CDH18: variants seen among roughly 807,000 people sequenced by gnomAD.
CDH18 encodes cadherin-18.
A neutral mutation model predicts 67.9 loss-of-function variants in CDH18; 31 were observed. The observed-to-expected ratio is 0.46, with a 90% CI of 0.34 to 0.62. The LOEUF is 0.62. Among genes scored for constraint, CDH18 ranks in the 20% least tolerant of loss-of-function variants. CDH18 has a pLI of 0.01. For missense variants in CDH18, 890 were observed against 975.5 expected (o/e 0.91, Z 1.17); for synonymous variants, 362 against 347.2 (o/e 1.04, Z -0.48).
chr5:20,333,271 G>A (rs1739353612), intron 1 of CDH18, among the ~76,000 whole-genome samples: 3 of 151,942 alleles, frequency 2.0e-5, no homozygotes. Context: ...CACTTTGGGA[G>A]GCCGAGGCTG....
chr5:19,650,101 C>G (rs997268986), intron 5 of CDH18, among the ~76,000 whole-genome samples: 1 of 151,948 alleles, frequency 6.6e-6, no homozygotes, highest in African/African-American at 2.4e-5. Flanking sequence ...ATTTTCAATA[C>G]TTACTGTACA....
rs905150936 is a variant in CDH18, at chr5:20,047,532, C to T, written c.-517-55518G>A. Among the ~76,000 whole-genome samples the T allele has an allele frequency of 2.6e-5, 4 of 151,698 alleles. 1 individual carries two copies. Among genetic ancestry groups the T allele is most frequent in the Non-Finnish European group, 4.4e-5 (3 of 67,768 alleles). ...AACACATGTCAGAAACAAAGGTTTG[C>T]ATTCTTATTAACCCAAATGCATAAT... On this transcript the variant is annotated intron_variant, in intron 2 of 14. Transcript: ENST00000507958.
At chr5:19,951,035 C>T (rs1482849049) in intron 2 of CDH18, among the ~76,000 whole-genome samples, 1 of 152,116 alleles carries the variant, frequency 6.6e-6, no homozygotes, top group African/African-American at 2.4e-5. Context: ...CTCATGTTCT[C>T]ATGGACCAAA....
chr5:20,305,384 C>A, intron 1 of CDH18: 2 of 1,551,778 alleles, frequency 1.3e-6, no homozygotes, highest in Admixed American at 1.7e-5. Flanking sequence ...AATGTTCCCA[C>A]CTCTTCAGCT....
intron 5 of CDH18, among the ~76,000 whole-genome samples, chr5:19,705,537 A>G (rs1357212580): frequency 2.6e-5 from 4 of 152,220 alleles, no homozygotes; most frequent in East Asian, 1.9e-4. Context: ...AAGCAAGTGC[A>G]TAAGACTCAA....
At chr5:19,815,036 A>G (rs1561360668) in intron 3 of CDH18, among the ~76,000 whole-genome samples, 1 of 152,094 alleles carries the variant, frequency 6.6e-6, no homozygotes, top group Non-Finnish European at 1.5e-5. Context: ...GAATTATTCA[A>G]ATAAAATATC....
intron 2 of CDH18, among the ~76,000 whole-genome samples, chr5:20,052,753 A>C (rs529680122): frequency 6.6e-6 from 1 of 152,236 alleles, no homozygotes; most frequent in East Asian, 1.9e-4. Context: ...GTAATAGAGA[A>C]AAGTTTCCCA....
chr5:19,879,783 G>T (rs1787421558), intron 2 of CDH18, among the ~76,000 whole-genome samples: 1 of 151,936 alleles, frequency 6.6e-6, no homozygotes. Flanking sequence ...TTCTTTCAAA[G>T]ACATAGTTGG....
chr5:20,410,966 A>G (rs1289336307), intron 1 of CDH18, among the ~76,000 whole-genome samples: 1 of 151,974 alleles, frequency 6.6e-6, no homozygotes, highest in Non-Finnish European at 1.5e-5. Context: ...GATGACACAA[A>G]CAAGTGAGAC....
At chr5:19,657,895 T>A (rs1440942889) in intron 5 of CDH18, among the ~76,000 whole-genome samples, 1 of 152,132 alleles carries the variant, frequency 6.6e-6, no homozygotes, top group Non-Finnish European at 1.5e-5. Flanking sequence ...AGGAACTGTG[T>A]GCCAGCGGCT....
chr5:19,635,844 T>G (rs1212107008), intron 5 of CDH18, among the ~76,000 whole-genome samples: 1 of 152,170 alleles, frequency 6.6e-6, no homozygotes, highest in Non-Finnish European at 1.5e-5. Context: ...TTATCCAAAG[T>G]AACTGCACTG....
Position 19,509,610 on chromosome 5 carries a change from G to T in CDH18, c.1513-6501C>A, listed in dbSNP as rs925026482. On this transcript the variant is annotated intron_variant, in intron 10 of 12. Coordinates refer to ENST00000382275, the MANE Select transcript of CDH18 (RefSeq NM_004934.5). The stretch of plus-strand genomic sequence containing the variant: ...CTATTGACCTAGTTAATTTTTTCAT[G>T]CAAAGCTATATGGTTAATAATTGTA... Among the ~76,000 whole-genome samples, 6 of 152,154 alleles carry T rather than the reference G, an allele frequency of 3.9e-5. No homozygotes were observed. The East Asian group carries it at 1.2e-3, about 29-fold the overall frequency.
chr5:19,963,068 GAAA>G (rs570843587), intron 2 of CDH18, among the ~76,000 whole-genome samples: 154 of 151,940 alleles, frequency 1.0e-3, no homozygotes, highest in Non-Finnish European at 1.8e-3. Flanking sequence ...GATCTGACAA[GAAA>G]AACAAAAACT....
chr5:19,715,519 AG>A (rs1765238799), intron 5 of CDH18, among the ~76,000 whole-genome samples: 2 of 152,128 alleles, frequency 1.3e-5, no homozygotes, highest in African/African-American at 4.8e-5. Context: ...CGAAGATAAA[AG>A]GTTGGTTATT....
At chr5:20,173,524 A>G (rs1056368011) in intron 2 of CDH18, among the ~76,000 whole-genome samples, 2 of 152,312 alleles carry the variant, frequency 1.3e-5, no homozygotes, top group Non-Finnish European at 2.9e-5. Flanking sequence ...TAGAAAATGT[A>G]GGTAAGTACC....
chr5:19,895,870 T>C (rs973893189), intron 2 of CDH18, among the ~76,000 whole-genome samples: 2 of 152,084 alleles, frequency 1.3e-5, no homozygotes, highest in African/African-American at 4.8e-5. Flanking sequence ...TGAAAAGCAG[T>C]TGAGACTGAG....
chr5:19,760,365 T>C (rs1424325691), intron 3 of CDH18, among the ~76,000 whole-genome samples: 1 of 152,138 alleles, frequency 6.6e-6, no homozygotes, highest in African/African-American at 2.4e-5. Flanking sequence ...CTAAAGTGAC[T>C]AATCCACTCC....
chr5:20,344,864 G>T (rs750946533), intron 1 of CDH18, among the ~76,000 whole-genome samples: 3 of 152,068 alleles, frequency 2.0e-5, no homozygotes, highest in Non-Finnish European at 4.4e-5. Flanking sequence ...AACATATGGG[G>T]CCTATTGACA....
At chr5:19,625,154 T>C (rs1751334967) in intron 5 of CDH18, among the ~76,000 whole-genome samples, 1 of 152,142 alleles carries the variant, frequency 6.6e-6, no homozygotes, top group Non-Finnish European at 1.5e-5. Flanking sequence ...CAACAGGTAA[T>C]TGCTGTCCTC....
Sources: gnomAD v4.1 joint callset for allele counts (sites outside exome capture counted in the v4.1 genomes callset) on GRCh38, gnomAD v4.1.1 for gene constraint, MANE v1.5 for transcripts, NCBI Gene and HGNC (gene_info 2026-07-23, HGNC 2026-07-21) for gene names.